TET1: variants seen among roughly 807,000 people sequenced by gnomAD.
TET1 encodes the protein methylcytosine dioxygenase TET1.
In TET1, 13 loss-of-function variants were observed where a neutral mutation model predicts 148.7. The ratio of observed to expected loss-of-function variants is 0.09; its 90% CI spans 0.06 to 0.14. TET1 has a LOEUF of 0.14. TET1 is among the 10% of genes least tolerant of loss of function. TET1 has a pLI of 1.00. For missense variants in TET1, 2,182 were observed against 2,553.8 expected (o/e 0.85, Z 3.14); for synonymous variants, 907 against 937.2 (o/e 0.97, Z 0.59).
Position 68,595,612 on chromosome 10 carries a change from C to CTTTTTTTTT in TET1, c.1915-5355_1915-5347dup, listed in dbSNP as rs71470530. On this transcript the variant is annotated intron_variant, in intron 2 of 11. Transcript: ENST00000373644. The stretch of plus-strand genomic sequence containing the variant: ...CACAACACACACACACACACAGCTT[C>CTTTTTTTTT]TTTTTTTTTTTTTTTTTTTTTTGAG... Among the ~76,000 whole-genome samples the CTTTTTTTTT allele has an allele frequency of 1.4e-3, 108 of 76,504 alleles. 3 individuals carry two copies. Among genetic ancestry groups the CTTTTTTTTT allele is most frequent in the African/African-American group, 5.1e-3 (101 of 19,634 alleles). 50.2% of individuals were successfully genotyped at this position (76,504 alleles called of 152,430 possible). A position where few individuals can be genotyped will look rare whatever the true frequency, so the allele number is the denominator to read the frequency against.
chr10:68,574,322 C>A (rs1483378045), intron 2 of TET1, 70 bp downstream of exon 2: 1 of 1,039,782 alleles, frequency 9.6e-7, no homozygotes, highest in Non-Finnish European at 1.4e-6. Flanking sequence ...AGAGACACTT[C>A]TAGTGTCTCT....
chr10:68,658,856 A>G (rs1053829505), intron 6 of TET1, among the ~76,000 whole-genome samples: 1 of 152,162 alleles, frequency 6.6e-6, no homozygotes, highest in African/African-American at 2.4e-5. Flanking sequence ...TGATAGCATG[A>G]GACCCTGTCT....
At chr10:68,594,765 G>A (rs2053958785) in intron 2 of TET1, among the ~76,000 whole-genome samples, 1 of 152,080 alleles carries the variant, frequency 6.6e-6, no homozygotes. Flanking sequence ...GACCACTTGA[G>A]GTCAGGAGTT....
chr10:68,656,516 C>T (rs969150072), intron 6 of TET1, among the ~76,000 whole-genome samples: 1 of 152,154 alleles, frequency 6.6e-6, no homozygotes, highest in African/African-American at 2.4e-5. Context: ...CCCACCTCAG[C>T]CTCCCAAAGT....
intron 3 of TET1, among the ~76,000 whole-genome samples, chr10:68,627,127 G>T (rs1668626735): frequency 6.6e-6 from 1 of 152,018 alleles, no homozygotes; most frequent in Non-Finnish European, 1.5e-5. Context: ...CAAGAATTAG[G>T]CTGGGCGCAG....
rs116599105 is a variant in TET1, at chr10:68,621,603, T to A, written c.1968+20569T>A. Among the ~76,000 whole-genome samples the A allele has an allele frequency of 9.6e-3, 1,460 of 152,158 alleles. 22 individuals are homozygous for A. Among genetic ancestry groups the A allele is most frequent in the African/African-American group, 0.034 (1,407 of 41,530 alleles). The stretch of plus-strand genomic sequence containing the variant: ...CTCAAAAAAAATAAATAAATAAAAT[T>A]TTAAAATCTGGCTGATTAAATACCA... On this transcript the variant is annotated intron_variant, in intron 3 of 11. Transcript: ENST00000373644.
intron 2 of TET1, among the ~76,000 whole-genome samples, chr10:68,574,878 T>A (rs1388399478): frequency 6.6e-6 from 1 of 152,218 alleles, no homozygotes; most frequent in Non-Finnish European, 1.5e-5. Flanking sequence ...ACATTAGTTC[T>A]TATTATAGTT....
At chr10:68,618,194 G>A (rs2054322667) in intron 3 of TET1, among the ~76,000 whole-genome samples, 1 of 152,096 alleles carries the variant, frequency 6.6e-6, no homozygotes, top group Admixed American at 6.6e-5. Context: ...CTCCACTCAT[G>A]AAATCTAGTT....
chr10:68,683,674 A>G (rs2055470268), intron 10 of TET1, among the ~76,000 whole-genome samples: 1 of 152,214 alleles, frequency 6.6e-6, no homozygotes, highest in African/African-American at 2.4e-5. Flanking sequence ...GGCCTCCCAA[A>G]GTGCTGGGAT....
intron 8 of TET1, among the ~76,000 whole-genome samples, chr10:68,676,236 G>GTGTGTA (rs1202890548): frequency 1.8e-5 from 1 of 55,476 alleles, no homozygotes; most frequent in African/African-American, 9.5e-5. Flanking sequence ...GTATGTATGT[G>GTGTGTA]TATATATATA....
chr10:68,582,443 C>T (rs148774780), intron 2 of TET1, among the ~76,000 whole-genome samples: 1 of 152,274 alleles, frequency 6.6e-6, no homozygotes, highest in Non-Finnish European at 1.5e-5. Context: ...CATTACCACG[C>T]TAGCCTCTTA....
intron 2 of TET1, among the ~76,000 whole-genome samples, chr10:68,577,401 T>C (rs1250940553): frequency 6.6e-6 from 1 of 152,208 alleles, no homozygotes; most frequent in Non-Finnish European, 1.5e-5. Context: ...TTTTGGCTGC[T>C]TGTGGCACTT....
chr10:68,631,233 A>G (rs1377052228), intron 3 of TET1, among the ~76,000 whole-genome samples: 4 of 152,202 alleles, frequency 2.6e-5, no homozygotes. Flanking sequence ...CTGGCATTCC[A>G]TTGAATTTGG....
chr10:68,595,983 TACACACACACACACAC>T (rs773605594), intron 2 of TET1, among the ~76,000 whole-genome samples: 4 of 50,428 alleles, frequency 7.9e-5, no homozygotes, highest in Admixed American at 6.5e-4. Context: ...CACACATATA[TACACACACACACACAC>T]ACACACACAC....
chr10:68,587,207 C>T lies in TET1; in HGVS notation c.1914+12955C>T, dbSNP rs141639348. 7.9e-4 allele frequency among the ~76,000 whole-genome samples: 120 copies of T among 152,228 alleles called. 4 individuals carry two copies. The East Asian group carries it at 0.022, about 28-fold the overall frequency. On this transcript the variant is annotated intron_variant, in intron 2 of 11. Transcript: ENST00000373644. ...TGTTCTAGACAGTTACACTATACAG[C>T]TCATTTTCATATCATATTTCATACG...
chr10:68,634,897 G>C (rs1338228240), intron 3 of TET1, among the ~76,000 whole-genome samples: 1 of 152,004 alleles, frequency 6.6e-6, no homozygotes, highest in African/African-American at 2.4e-5. Flanking sequence ...GTGTAGCTGA[G>C]ATTACAGGTG....
At chr10:68,564,798 C>T (rs569160585) in intron 1 of TET1, among the ~76,000 whole-genome samples, 6 of 152,232 alleles carry the variant, frequency 3.9e-5, no homozygotes. Context: ...TCACTTGAGG[C>T]TAGGAGTTCA....
At chr10:68,595,833 G>GTCT (rs2053971996) in intron 2 of TET1, among the ~76,000 whole-genome samples, 1 of 141,732 alleles carries the variant, frequency 7.1e-6, no homozygotes, top group South Asian at 2.2e-4. Flanking sequence ...GGTCAGGCTT[G>GTCT]TCTTGAGCTC....
chr10:68,598,991 G>GT (rs931418166), intron 2 of TET1, among the ~76,000 whole-genome samples: 2 of 151,954 alleles, frequency 1.3e-5, no homozygotes, highest in African/African-American at 2.4e-5. Flanking sequence ...CCGGCCAATA[G>GT]TTTTTTTCTT....
Sources: allele counts gnomAD v4.1 joint callset (sites outside exome capture counted in the v4.1 genomes callset), GRCh38; gene constraint gnomAD v4.1.1; transcripts MANE v1.5; gene names NCBI Gene and HGNC (gene_info 2026-07-23, HGNC 2026-07-21).